Variants in PCDH9 observed in about 807,000 individuals in gnomAD.
The protein encoded by PCDH9 is protocadherin 9, also known as protocadherin-9.
A neutral mutation model predicts 70.6 loss-of-function variants in PCDH9; 24 were observed. The observed-to-expected ratio is 0.34, with a 90% confidence interval of 0.25 to 0.48. The LOEUF is 0.48. Ranked by LOEUF, PCDH9 falls within the 20% of genes least tolerant of loss-of-function variation. The pLI, the probability that PCDH9 is intolerant of heterozygous loss-of-function variation, is 0.99. For synonymous variants in PCDH9, 562 were observed against 558.5 expected (o/e 1.01, Z -0.09); for missense variants, 1,281 against 1,503.6 (o/e 0.85, Z 2.45).
At chr13:66,772,973 T>A (rs1045928498) in intron 3 of PCDH9, among the ~76,000 whole-genome samples, 1 of 152,098 alleles carries the variant, frequency 6.6e-6, no homozygotes, top group African/African-American at 2.4e-5. Context: ...CTACAAAAGA[T>A]ACCAGCGACA....
chr13:66,495,109 T>C (rs1254176457), intron 4 of PCDH9, among the ~76,000 whole-genome samples: 1 of 152,102 alleles, frequency 6.6e-6, no homozygotes, highest in African/African-American at 2.4e-5. Context: ...CAGATGGGTA[T>C]ATGAAGGTTT....
chr13:66,648,557 A>C (rs2077804139), intron 3 of PCDH9, among the ~76,000 whole-genome samples: 1 of 152,226 alleles, frequency 6.6e-6, no homozygotes. Flanking sequence ...CTTAGGTCAC[A>C]ACACCCAACT....
rs571594654 is a variant in PCDH9, at chr13:66,571,661, T to G, written c.3340+59549A>C. ...TGTTGTTTTTGTATAATTATTCTTA[T>G]TAGCCATTTTGCATAAAAGCTTATG... On this transcript the variant is annotated intron_variant, in intron 4 of 4. Coordinates refer to ENST00000377865, the MANE Select transcript of PCDH9 (RefSeq NM_203487.3). Among the ~76,000 whole-genome samples the G allele has an allele frequency of 2.0e-5, 3 of 152,218 alleles. No homozygotes were observed. In the East Asian group the frequency reaches 5.8e-4, roughly 29 times the overall value.
chr13:66,562,669 C>T (rs189944424), intron 4 of PCDH9, among the ~76,000 whole-genome samples: 161 of 152,158 alleles, frequency 1.1e-3, no homozygotes, highest in Non-Finnish European at 1.8e-3. Context: ...CGGGTCCCTC[C>T]CAGGATACAT....
chr13:66,780,096 T>C (rs2079973889), intron 3 of PCDH9, among the ~76,000 whole-genome samples: 1 of 151,924 alleles, frequency 6.6e-6, no homozygotes, highest in African/African-American at 2.4e-5. Flanking sequence ...AATTATGTTT[T>C]AGCTGCTCTA....
chr13:67,074,846 AT>A (rs1432808934), intron 2 of PCDH9, among the ~76,000 whole-genome samples: 1 of 152,134 alleles, frequency 6.6e-6, no homozygotes, highest in Non-Finnish European at 1.5e-5. Context: ...CAAAAAAGAA[AT>A]TTTTTAATAG....
intron 4 of PCDH9, among the ~76,000 whole-genome samples, chr13:66,616,130 G>A (rs527934536): frequency 2.6e-5 from 4 of 152,194 alleles, no homozygotes; most frequent in African/African-American, 7.2e-5. Context: ...GTCAGTAAAG[G>A]ATGTTACTTT....
chr13:66,423,517 G>C (rs1343669206), intron 4 of PCDH9, among the ~76,000 whole-genome samples: 2 of 152,072 alleles, frequency 1.3e-5, no homozygotes, highest in Admixed American at 1.3e-4. Flanking sequence ...TGCAAGGCTG[G>C]TTAACATATG....
chr13:67,035,291 G>T (rs1290520379), intron 2 of PCDH9, among the ~76,000 whole-genome samples: 2 of 152,038 alleles, frequency 1.3e-5, no homozygotes, highest in African/African-American at 4.8e-5. Flanking sequence ...TGGATGTGGT[G>T]CATATAGCTT....
chr13:66,316,241 C>T (rs992350159), intron 4 of PCDH9, among the ~76,000 whole-genome samples: 1 of 152,334 alleles, frequency 6.6e-6, no homozygotes, highest in East Asian at 1.9e-4. Context: ...AAAATGAGAT[C>T]CTTAACTTAA....
At chr13:67,203,928 A>C (rs1479781466) in intron 2 of PCDH9, 4 of 152,074 alleles carry the variant, frequency 2.6e-5, no homozygotes, top group African/African-American at 9.7e-5. Context: ...ATGATAGGTA[A>C]ACTTTGTAGA....
chr13:67,149,086 A>G (rs1035877354), intron 2 of PCDH9, among the ~76,000 whole-genome samples: 3 of 152,136 alleles, frequency 2.0e-5, no homozygotes, highest in Non-Finnish European at 4.4e-5. Context: ...AACCTACTAC[A>G]TGGCACCATA....
At chr13:66,774,740 A>C (rs1309728433) in intron 3 of PCDH9, among the ~76,000 whole-genome samples, 1 of 152,188 alleles carries the variant, frequency 6.6e-6, no homozygotes, top group South Asian at 2.1e-4. Context: ...CCTCCATTCA[A>C]GTAAAATCAG....
At chr13:66,805,898 T>A (rs1186744279) in intron 3 of PCDH9, among the ~76,000 whole-genome samples, 11 of 152,074 alleles carry the variant, frequency 7.2e-5, no homozygotes, top group African/African-American at 1.2e-4. Flanking sequence ...TTTTATGACT[T>A]TTTTTCCCCA....
intron 4 of PCDH9, among the ~76,000 whole-genome samples, chr13:66,448,303 T>G (rs1411590430): frequency 2.0e-5 from 3 of 152,220 alleles, no homozygotes; most frequent in Non-Finnish European, 4.4e-5. Flanking sequence ...GAGAAATAGC[T>G]GTTTGCTACC....
At chr13:67,154,513 C>T (rs546620156) in intron 2 of PCDH9, among the ~76,000 whole-genome samples, 60 of 144,648 alleles carry the variant, frequency 4.1e-4, no homozygotes, top group South Asian at 8.7e-4. Context: ...GGAGATGAGG[C>T]TACAGTGAGC....
chr13:66,494,502 T>C (rs1414724993), intron 4 of PCDH9, among the ~76,000 whole-genome samples: 17 of 152,098 alleles, frequency 1.1e-4, no homozygotes, highest in Non-Finnish European at 5.9e-5. Context: ...TTTGAGGAGA[T>C]AAATATATCC....
At chr13:67,008,418 T>C (rs1049237242) in intron 2 of PCDH9, among the ~76,000 whole-genome samples, 1 of 152,128 alleles carries the variant, frequency 6.6e-6, no homozygotes, top group Non-Finnish European at 1.5e-5. Context: ...TGTATGTAAT[T>C]ATATATTGTT....
At chr13:66,607,535 C>T (rs1185225067) in intron 4 of PCDH9, among the ~76,000 whole-genome samples, 1 of 152,010 alleles carries the variant, frequency 6.6e-6, no homozygotes, top group Non-Finnish European at 1.5e-5. Context: ...GCAAAAATTA[C>T]TACAATATCC....
Sources: allele counts gnomAD v4.1 joint callset (sites outside exome capture counted in the v4.1 genomes callset), GRCh38; gene constraint gnomAD v4.1.1; transcripts MANE v1.5; gene names NCBI Gene and HGNC (gene_info 2026-07-23, HGNC 2026-07-21).